SMYD3: variants seen among roughly 807,000 people sequenced by gnomAD.
SMYD3 encodes the protein SET and MYND domain containing 3, also known as histone-lysine N-methyltransferase SMYD3.
SMYD3 carries 36 observed loss-of-function variants against 57.7 expected under a neutral mutation model. The observed-to-expected ratio is 0.62, with a 90% confidence interval of 0.48 to 0.82. The LOEUF is 0.82. Among genes scored for constraint, SMYD3 ranks in the 40% least tolerant of loss-of-function variants. The pLI is 0.00. For synonymous variants in SMYD3, 211 were observed against 195.0 expected, an observed-to-expected ratio of 1.08 and a Z score of -0.68; for missense variants, 515 against 538.8, an observed-to-expected ratio of 0.96 and a Z score of 0.44.
intron 8 of SMYD3, among the ~76,000 whole-genome samples, chr1:245,876,684 T>A (rs528549435): frequency 6.6e-6 from 1 of 152,212 alleles, no homozygotes; most frequent in African/African-American, 2.4e-5. Flanking sequence ...GCTCAATATA[T>A]GACAACATCT....
At chr1:246,329,057 A>G (rs1364235190) in intron 4 of SMYD3, among the ~76,000 whole-genome samples, 2 of 152,108 alleles carry the variant, frequency 1.3e-5, no homozygotes, top group African/African-American at 4.8e-5. Context: ...TCCATGGTGT[A>G]TATGTGCCAT....
intron 5 of SMYD3, among the ~76,000 whole-genome samples, chr1:246,050,661 A>C (rs2060050898): frequency 6.6e-6 from 1 of 152,166 alleles, no homozygotes; most frequent in Non-Finnish European, 1.5e-5. Context: ...TAGAACTAAA[A>C]TGGTGAACGC....
At chr1:245,827,028 G>C (rs1054467862) in intron 10 of SMYD3, among the ~76,000 whole-genome samples, 1 of 152,140 alleles carries the variant, frequency 6.6e-6, no homozygotes, top group African/African-American at 2.4e-5. Flanking sequence ...TTCACTCTCG[G>C]AAGAGCTTTA....
intron 4 of SMYD3, among the ~76,000 whole-genome samples, chr1:246,329,458 T>C (rs2065421293): frequency 6.6e-6 from 1 of 152,348 alleles, no homozygotes. Context: ...TGAGCATTTT[T>C]TCATGTGTTT....
At chr1:245,994,816 A>C (rs961763581) in intron 5 of SMYD3, among the ~76,000 whole-genome samples, 3 of 152,010 alleles carry the variant, frequency 2.0e-5, no homozygotes, top group African/African-American at 7.2e-5. Context: ...AAAAAGCTGT[A>C]AAAAGGACAC....
intron 1 of SMYD3, among the ~76,000 whole-genome samples, chr1:246,411,486 A>G (rs1190904565): frequency 6.6e-6 from 1 of 152,190 alleles, no homozygotes; most frequent in Admixed American, 6.5e-5. Context: ...TATATACCCA[A>G]AGGATTATAA....
At chr1:246,029,918 G>GA (rs2059641146) in intron 5 of SMYD3, among the ~76,000 whole-genome samples, 1 of 150,768 alleles carries the variant, frequency 6.6e-6, no homozygotes, top group Non-Finnish European at 1.5e-5. Flanking sequence ...AGCCACTGTA[G>GA]AAAAGAGCAC....
chr1:246,189,984 A>G (rs72774422), intron 5 of SMYD3, among the ~76,000 whole-genome samples: 14,478 of 152,230 alleles, frequency 0.095, 838 homozygotes, highest in East Asian at 0.25. Context: ...TTTTAAAGGC[A>G]GGATTTGTTT....
intron 5 of SMYD3, among the ~76,000 whole-genome samples, chr1:246,010,398 G>A (rs374928792): frequency 5.3e-5 from 8 of 152,286 alleles, no homozygotes; most frequent in Non-Finnish European, 7.4e-5. Flanking sequence ...AAACTCTAGC[G>A]TGATGTACTC....
At chr1:246,115,925 G>C (rs1021682237) in intron 5 of SMYD3, among the ~76,000 whole-genome samples, 1 of 151,958 alleles carries the variant, frequency 6.6e-6, no homozygotes, top group Non-Finnish European at 1.5e-5. Flanking sequence ...GATCACCTGA[G>C]GTCAGGAGTT....
intron 5 of SMYD3, among the ~76,000 whole-genome samples, chr1:246,025,479 GTACT>G (rs1419005908): frequency 6.6e-6 from 1 of 152,192 alleles, no homozygotes; most frequent in Non-Finnish European, 1.5e-5. Context: ...AGAGGTACCA[GTACT>G]GTGACGGTCA....
At chr1:246,157,392 C>A (rs765123152) in intron 5 of SMYD3, among the ~76,000 whole-genome samples, 7 of 151,928 alleles carry the variant, frequency 4.6e-5, no homozygotes, top group Non-Finnish European at 2.9e-5. Context: ...TAAGAAACAG[C>A]AGCAATTCTG....
chr1:246,140,491 C>T (rs1278954491), intron 5 of SMYD3, among the ~76,000 whole-genome samples: 2 of 152,228 alleles, frequency 1.3e-5, no homozygotes, highest in Non-Finnish European at 2.9e-5. Flanking sequence ...CAACAGAGAA[C>T]GGAAGTGTCC....
chr1:245,869,113 G>T (rs964186806), intron 8 of SMYD3, among the ~76,000 whole-genome samples: 2 of 151,840 alleles, frequency 1.3e-5, no homozygotes, highest in African/African-American at 4.8e-5. Context: ...AAATCTCTTT[G>T]AATTTTACTT....
rs745889972 is a variant in SMYD3, at chr1:246,327,151, G to A, written c.531+50C>T. 3.7e-6 allele frequency: 6 copies of A among 1,609,624 alleles called. No homozygotes were observed. In the East Asian group the frequency reaches 1.1e-4, roughly 30 times the overall value. Reference sequence around the variant, plus strand: ...TTTTTGTAACTAACAACAAAATAAGGAGCAAATGGTTGATGTATGGAATTA... The same window carrying A: ...TTTTTGTAACTAACAACAAAATAAGAAGCAAATGGTTGATGTATGGAATTA... On this transcript the variant is annotated intron_variant, in intron 5 of 11. Transcript: ENST00000490107.
At chr1:246,475,988 T>G (rs1334719958) in intron 1 of SMYD3, among the ~76,000 whole-genome samples, 1 of 152,204 alleles carries the variant, frequency 6.6e-6, no homozygotes, top group Non-Finnish European at 1.5e-5. Flanking sequence ...GCTATCTAGA[T>G]TTTGTTATTC....
chr1:245,778,323 C>T (rs949033864), intron 10 of SMYD3, among the ~76,000 whole-genome samples: 1 of 152,108 alleles, frequency 6.6e-6, no homozygotes, highest in Admixed American at 6.5e-5. Context: ...GAGATAGACA[C>T]AAAATGAATG....
chr1:245,849,602 G>A (rs1441374193), intron 10 of SMYD3, among the ~76,000 whole-genome samples: 1 of 151,956 alleles, frequency 6.6e-6, no homozygotes, highest in African/African-American at 2.4e-5. Flanking sequence ...CTTCTGATTT[G>A]AAATTAGGAG....
At chr1:246,327,430 T>C in intron 4 of SMYD3, 93 bp from the exon 5 acceptor site, 1 of 1,091,638 alleles carries the variant, frequency 9.2e-7, no homozygotes, top group Non-Finnish European at 1.3e-6. Context: ...AACCAGATAT[T>C]TCCTACCTTA....
Sources: gnomAD v4.1 joint callset for allele counts (sites outside exome capture counted in the v4.1 genomes callset) on GRCh38, gnomAD v4.1.1 for gene constraint, MANE v1.5 for transcripts, NCBI Gene and HGNC (gene_info 2026-07-23, HGNC 2026-07-21) for gene names.